The following CUBN variants were observed in gnomAD, a reference collection of about 807,000 sequenced individuals.
CUBN encodes 460 kDa receptor.
In CUBN, 282 loss-of-function variants were observed where a neutral mutation model predicts 405.3. The observed-to-expected ratio is 0.70, with a 90% CI of 0.63 to 0.77. The LOEUF (loss-of-function observed/expected upper bound fraction) is 0.77. Ranked by LOEUF, CUBN falls within the 30% of genes least tolerant of loss-of-function variation. The pLI is 0.00. For missense variants in CUBN, 4,514 were observed against 4,475.2 expected (o/e 1.01, Z -0.25); for synonymous variants, 1,684 against 1,617.0 (o/e 1.04, Z -0.99).
At chr10:16,867,640 C>T (rs1325007311) in intron 59 of CUBN, among the ~76,000 whole-genome samples, 1 of 152,200 alleles carries the variant, frequency 6.6e-6, no homozygotes, top group Non-Finnish European at 1.5e-5. Context: ...AGGGGTAACA[C>T]AATGCTGGCA....
At chr10:16,857,050 T>C (rs1048098507) in intron 59 of CUBN, among the ~76,000 whole-genome samples, 2 of 152,236 alleles carry the variant, frequency 1.3e-5, no homozygotes, top group African/African-American at 4.8e-5. Flanking sequence ...AACATTCTAC[T>C]AGGTTTCAGA....
chr10:16,851,513 T>C, intron 59 of CUBN, 70 bp from the exon 60 acceptor site: 2 of 1,373,430 alleles, frequency 1.5e-6, no homozygotes, highest in South Asian at 2.3e-5. Context: ...TGGAGGGTTT[T>C]TAAAAAGAAC....
chr10:16,826,093 G>T (rs977131522), intron 66 of CUBN, among the ~76,000 whole-genome samples: 1 of 151,940 alleles, frequency 6.6e-6, no homozygotes, highest in African/African-American at 2.4e-5. Context: ...TGTTTGTCCC[G>T]TTATTCTCTC....
intron 17 of CUBN, among the ~76,000 whole-genome samples, chr10:17,074,980 T>G (rs1835822197): frequency 6.6e-6 from 1 of 150,988 alleles, no homozygotes; most frequent in South Asian, 2.1e-4. Flanking sequence ...GAAAACTCAG[T>G]GGAAATAACA....
At chr10:16,999,706 T>C (rs2131735715) in intron 28 of CUBN, among the ~76,000 whole-genome samples, 1 of 152,326 alleles carries the variant, frequency 6.6e-6, no homozygotes, top group Middle Eastern at 3.4e-3. Context: ...AGAAAACATG[T>C]TCTCTGTAGG....
intron 1 of CUBN, among the ~76,000 whole-genome samples, 185 bp from the exon 2 acceptor site, chr10:17,129,435 C>A (rs1837270646): frequency 6.6e-6 from 1 of 152,220 alleles, no homozygotes; most frequent in Admixed American, 6.5e-5. Flanking sequence ...TACCTCCTGG[C>A]AATTGCAAAC....
At chr10:16,874,631 G>T in intron 57 of CUBN, 128 bp from the exon 58 acceptor site, 1 of 1,100,880 alleles carries the variant, frequency 9.1e-7, no homozygotes, top group South Asian at 1.3e-5. Context: ...TTCTTAAAGT[G>T]ACTTATATCT....
In CUBN at chr10:17,088,298, C is replaced by G; in HGVS notation, c.1813G>C (p.Gly605Arg). 1 of 1,613,636 alleles carries G rather than the reference C, an allele frequency of 6.2e-7. No homozygotes were observed. The highest frequency in any genetic ancestry group is 8.5e-7 in the Non-Finnish European group (1 of 1,179,670). Residue 605 changes from glycine (G) to arginine (R), a missense_variant, in exon 15 of 67, where the codon GGG becomes CGG. Physicochemically the swap from Gly to Arg is moderately radical, Grantham distance 125. This residue lies in a region of CUBN where 1,448 missense variants were observed against 1,388.0 expected (regional missense o/e 1.04). Transcript: ENST00000377833. Reference sequence around the variant, plus strand: ...CCTGGGGGATAGTTTCCAGGATACCCCGGAGACTTAATAGAACCGTAAGGA... The same window carrying G: ...CCTGGGGGATAGTTTCCAGGATACCGCGGAGACTTAATAGAACCGTAAGGA... ...TGPYGSIKSP[G>R]YPGNYPPGRD...
At chr10:16,899,827 A>G (rs1339229915) in intron 53 of CUBN, among the ~76,000 whole-genome samples, 1 of 152,208 alleles carries the variant, frequency 6.6e-6, no homozygotes, top group African/African-American at 2.4e-5. Flanking sequence ...CACTTCAATA[A>G]CAGCCAGTGG....
Position 17,088,190 on chromosome 10 carries a change from C to G in CUBN, c.1921G>C (p.Asp641His), listed in dbSNP as rs772766420. 21 of 1,613,454 alleles carry G rather than the reference C, an allele frequency of 1.3e-5. No individual in the cohort carries two copies. Among genetic ancestry groups the G allele is most frequent in the African/African-American group, 4.0e-5 (3 of 74,894 alleles). ...TFGTLSLEHH[D>H]DCNKDYLEIR... is the part of the protein sequence containing the mutation. ...TCAAGGTAATCTTTGTTGCAGTCAT[C>G]ATGGTGCTCGAGGCTCAAGGTCCCA... Residue 641 changes from aspartate to histidine, a missense_variant, in exon 15 of 67, where the codon GAT becomes CAT. By Grantham distance (81) the Asp-to-His change is moderately conservative. Coordinates refer to ENST00000377833, the MANE Select transcript of CUBN (RefSeq NM_001081.4).
At chr10:16,968,992 C>G (rs1687701) in intron 31 of CUBN, among the ~76,000 whole-genome samples, 55,946 of 152,110 alleles carry the variant, frequency 0.37, 10,543 homozygotes, top group Middle Eastern at 0.45. Context: ...GATTAGCTCC[C>G]CTCGATGCCA....
chr10:16,918,072 T>C (rs1841932775), intron 45 of CUBN, among the ~76,000 whole-genome samples: 1 of 152,192 alleles, frequency 6.6e-6, no homozygotes, highest in South Asian at 2.1e-4. Flanking sequence ...TGCTTGCTTT[T>C]GTCAGCTTTG....
At chr10:16,970,535 C>G (rs970172969) in intron 31 of CUBN, among the ~76,000 whole-genome samples, 5 of 146,360 alleles carry the variant, frequency 3.4e-5, no homozygotes, top group African/African-American at 1.3e-4. Context: ...GAGATCACAC[C>G]TTTGCACTCC....
intron 31 of CUBN, among the ~76,000 whole-genome samples, chr10:16,965,394 G>A (rs961293777): frequency 3.9e-5 from 6 of 152,248 alleles, no homozygotes; most frequent in East Asian, 1.9e-4. Flanking sequence ...TAAAGACCAC[G>A]TGATTGACGT....
chr10:17,062,097 T>C (rs1174208133), intron 22 of CUBN, among the ~76,000 whole-genome samples: 7 of 152,348 alleles, frequency 4.6e-5, no homozygotes, highest in East Asian at 3.9e-4. Context: ...ACAGTTCTCA[T>C]GAAGCGGCAC....
At chr10:16,851,715 T>A (rs1458071808) in intron 59 of CUBN, among the ~76,000 whole-genome samples, 1 of 129,602 alleles carries the variant, frequency 7.7e-6, no homozygotes, top group Non-Finnish European at 1.6e-5. Context: ...TTTCCTTCCC[T>A]CCATCTTTCC....
At chr10:16,862,791 G>A (rs1386669465) in intron 59 of CUBN, among the ~76,000 whole-genome samples, 3 of 152,150 alleles carry the variant, frequency 2.0e-5, no homozygotes, top group African/African-American at 4.8e-5. Flanking sequence ...AGTTACCTGC[G>A]ACAAAACTAG....
intron 31 of CUBN, among the ~76,000 whole-genome samples, chr10:16,975,404 G>C (rs1475350441): frequency 6.6e-6 from 1 of 152,172 alleles, no homozygotes; most frequent in African/African-American, 2.4e-5. Context: ...CCCTCCTCAT[G>C]ACCACAAGAG....
intron 65 of CUBN, among the ~76,000 whole-genome samples, chr10:16,830,849 A>G (rs1838966153): frequency 1.3e-5 from 2 of 152,124 alleles, no homozygotes. Flanking sequence ...TAATCCCAGC[A>G]CTTTGGGAGG....
Sources: gnomAD v4.1 joint callset for allele counts (sites outside exome capture counted in the v4.1 genomes callset) on GRCh38, gnomAD v4.1.1 for gene constraint, gnomAD v4.1.1 regional missense constraint, MANE v1.5 for transcripts, NCBI Gene and HGNC (gene_info 2026-07-23, HGNC 2026-07-21) for gene names.